The following CCR4 variants were observed in gnomAD, a reference collection of about 807,000 sequenced individuals.
CCR4 encodes C-C motif chemokine receptor 4.
In CCR4, 9 loss-of-function variants were observed where a neutral mutation model predicts 17.1. That is an observed-to-expected ratio of 0.53 (90% CI 0.32 to 0.92). The LOEUF (loss-of-function observed/expected upper bound fraction) is 0.92, where lower values mean the gene tolerates loss of function less well. CCR4 is among the 40% of genes least tolerant of loss of function. The probability of loss-of-function intolerance (pLI) is 0.04; values close to 1 mark genes in which losing one functional copy is unlikely to be tolerated. For missense variants in CCR4, 385 were observed against 433.9 expected, an observed-to-expected ratio of 0.89 and a Z score of 1.00; for synonymous variants, 217 against 174.3, an observed-to-expected ratio of 1.24 and a Z score of -1.93.
chr3:32,954,692 T>A lies in CCR4; in HGVS notation c.*187T>A, dbSNP rs1023883001. The A allele has an allele frequency of 3.5e-5, 21 of 593,758 alleles. No homozygotes were observed. Among genetic ancestry groups the A allele is most frequent in the African/African-American group, 3.4e-4 (18 of 53,088 alleles). 36.8% of individuals were successfully genotyped at this position (593,758 alleles called of 1,614,324 possible). On this transcript the variant is annotated 3_prime_UTR_variant, in exon 2 of 2. Transcript: ENST00000330953. ...CTAGACAAGTCCAGCCTGGCAAGGG[T>A]TCACCTGGGCTGAGGCATCCTTCCT...
chr3:32,954,093 T>C lies in CCR4; in HGVS notation c.671T>C (p.Met224Thr). ...PLGIMLFCYS[M>T]IIRTLQHCKN... is the part of the protein sequence containing the mutation. Reference sequence around the variant, plus strand: ...GGGATCATGCTGTTTTGCTACTCCATGATCATCAGGACCTTGCAGCATTGT... The same window carrying C: ...GGGATCATGCTGTTTTGCTACTCCACGATCATCAGGACCTTGCAGCATTGT... The change falls in exon 2 of 2, where the codon ATG (methionine) becomes ACG (threonine). Residue 224 changes from methionine (M) to threonine (T), a missense_variant. Met to Thr is a moderately conservative substitution (Grantham distance 81). Transcript: ENST00000330953. 1 of 1,614,170 alleles carries C rather than the reference T, an allele frequency of 6.2e-7. No individual in the cohort carries two copies. The highest frequency in any genetic ancestry group is 8.5e-7 in the Non-Finnish European group (1 of 1,180,016).
Position 32,954,658 on chromosome 3 carries a change from T to TC in CCR4, c.*154dup, listed in dbSNP as rs1695680706. 2.5e-6 allele frequency: 2 copies of TC among 805,024 alleles called. No homozygotes were observed. Among genetic ancestry groups the TC allele is most frequent in the Admixed American group, 3.6e-5 (1 of 27,608 alleles). The allele number at this position is 805,024 out of a possible 1,614,324, so 49.9% of individuals were successfully genotyped here. ...GCTTCTCATCCTGCAGGCAGCTTTTTCTCTCCCACTAGACAAGTCCAGCCT... is the reference window on the plus strand; with the variant it reads ...GCTTCTCATCCTGCAGGCAGCTTTTTCCTCTCCCACTAGACAAGTCCAGCCT... On this transcript the variant is annotated 3_prime_UTR_variant, in exon 2 of 2. Transcript: ENST00000330953.
chr3:32,953,611 C>T lies in CCR4; in HGVS notation c.189C>T (p.Val63=), dbSNP rs757544002. The stretch of plus-strand genomic sequence containing the variant: ...TTGGAAATTCTGTGGTGGTTCTGGT[C>T]CTGTTCAAATACAAGCGGCTCAGGT... ...GLLGNSVVVL[V]LFKYKRLRSM... Residue 63 remains valine, a synonymous_variant, in exon 2 of 2, where the codon GTC becomes GTT. Transcript: ENST00000330953. 36 of 1,613,966 alleles carry T rather than the reference C, an allele frequency of 2.2e-5. No homozygotes were observed. The South Asian group carries it at 3.7e-4, about 17-fold the overall frequency.
At position 32,954,197 on chromosome 3, in the gene CCR4, A is replaced by G. The variant is rs1167422134; in HGVS notation, c.775A>G (p.Asn259Asp). 1.2e-6 allele frequency: 2 copies of G among 1,613,974 alleles called. No individual in the cohort carries two copies. The highest frequency in any genetic ancestry group is 2.2e-5 in the East Asian group (1 of 44,884). Residue 259 changes from asparagine to aspartate, a missense_variant, in exon 2 of 2, where the codon AAC becomes GAC. Asn to Asp is a conservative substitution (Grantham distance 23, BLOSUM62 1). Coordinates refer to ENST00000330953, the MANE Select transcript of CCR4 (RefSeq NM_005508.5). ...VLFLGFWTPY[N>D]IVLFLETLVE... is the part of the protein sequence containing the mutation. Reference sequence around the variant, plus strand: ...CTTCCTTGGGTTCTGGACACCTTACAACATAGTGCTCTTCCTAGAGACCCT... The same window carrying G: ...CTTCCTTGGGTTCTGGACACCTTACGACATAGTGCTCTTCCTAGAGACCCT...
Position 32,953,878 on chromosome 3 carries a change from T to G in CCR4, c.456T>G (p.Thr152=). 2.5e-6 allele frequency: 4 copies of G among 1,614,096 alleles called. 1 individual carries two copies. The highest frequency in any genetic ancestry group is 2.2e-5 in the South Asian group (2 of 91,072). ...TTTCCTTGAGGGCAAGGACCTTGAC[T>G]TATGGGGTCATCACCAGTTTGGCTA... The part of the protein sequence containing the change: ...AVFSLRARTL[T]YGVITSLATW... The change falls in exon 2 of 2, where the codon ACT becomes ACG. Residue 152 remains threonine, a synonymous_variant. Coordinates refer to ENST00000330953, the MANE Select transcript of CCR4 (RefSeq NM_005508.5).
At position 32,953,436 on chromosome 3, in the gene CCR4, A is replaced by G. The variant is rs766699500; in HGVS notation, c.14A>G (p.Asp5Gly). 1 of 1,609,162 alleles carries G rather than the reference A, an allele frequency of 6.2e-7. No homozygotes were observed. The highest frequency in any genetic ancestry group is 8.5e-7 in the Non-Finnish European group (1 of 1,177,858). Reference sequence around the variant, plus strand: ...TAGAGTTAAAAAATGAACCCCACGGATATAGCAGACACCACCCTCGATGAA... The same window carrying G: ...TAGAGTTAAAAAATGAACCCCACGGGTATAGCAGACACCACCCTCGATGAA... MNPT[D>G]IADTTLDESI... The change falls in exon 2 of 2, where the codon GAT becomes GGT. Residue 5 changes from aspartate to glycine, a missense_variant. By Grantham distance (94) the Asp-to-Gly change is moderately conservative. Transcript: ENST00000330953.
Position 32,954,091 on chromosome 3 carries a change from C to G in CCR4, c.669C>G (p.Ser223=), listed in dbSNP as rs749729657. 6.2e-7 allele frequency: 1 copy of G among 1,614,168 alleles called. No homozygotes were observed. Among genetic ancestry groups the G allele is most frequent in the South Asian group, 1.1e-5 (1 of 91,070 alleles). The change falls in exon 2 of 2, where the codon TCC becomes TCG. Residue 223 remains serine (S), a synonymous_variant. Coordinates refer to ENST00000330953, the MANE Select transcript of CCR4 (RefSeq NM_005508.5). ...IPLGIMLFCY[S]MIIRTLQHCK... ...TAGGGATCATGCTGTTTTGCTACTC[C>G]ATGATCATCAGGACCTTGCAGCATT...
intron 1 of CCR4, among the ~76,000 whole-genome samples, chr3:32,952,083 C>T (rs1338338701): frequency 1.3e-5 from 2 of 152,140 alleles, no homozygotes; most frequent in Non-Finnish European, 2.9e-5. Context: ...AACTCCTCAG[C>T]CTTGTTTATG....
Position 32,953,466 on chromosome 3 carries a change from T to C in CCR4, c.44T>C (p.Ile15Thr), listed in dbSNP as rs1243093064. The change falls in exon 2 of 2, where the codon ATA becomes ACA. Residue 15 changes from isoleucine (I) to threonine (T), a missense_variant. Physicochemically the swap from Ile to Thr is moderately conservative, Grantham distance 89. Coordinates refer to ENST00000330953, the MANE Select transcript of CCR4 (RefSeq NM_005508.5). ...DIADTTLDES[I>T]YSNYYLYESI... Reference sequence around the variant, plus strand: ...GCAGACACCACCCTCGATGAAAGCATATACAGCAATTACTATCTGTATGAA... The same window carrying C: ...GCAGACACCACCCTCGATGAAAGCACATACAGCAATTACTATCTGTATGAA... The C allele has an allele frequency of 1.9e-6, 3 of 1,613,874 alleles. No homozygotes were observed. Among genetic ancestry groups the C allele is most frequent in the Non-Finnish European group, 2.5e-6 (3 of 1,179,824 alleles).
rs779331626 is a variant in CCR4 at position 32,954,193 on chromosome 3, T to G, written c.771T>G (p.Pro257=). Residue 257 remains proline, a synonymous_variant, in exon 2 of 2, where the codon CCT becomes CCG. Transcript: ENST00000330953. ...TCCTCTTCCTTGGGTTCTGGACACC[T>G]TACAACATAGTGCTCTTCCTAGAGA... ...VVVLFLGFWT[P]YNIVLFLETL... The G allele has an allele frequency of 2.5e-6, 4 of 1,614,098 alleles. No individual in the cohort carries two copies. The highest frequency in any genetic ancestry group is 1.6e-4 in the Middle Eastern group (1 of 6,062).
chr3:32,953,845 C>G lies in CCR4; in HGVS notation c.423C>G (p.His141Gln), dbSNP rs371078690. Residue 141 changes from histidine (H) to glutamine (Q), a missense_variant, in exon 2 of 2, where the codon CAC becomes CAG. His to Gln is a conservative substitution (Grantham distance 24). Coordinates refer to ENST00000330953, the MANE Select transcript of CCR4 (RefSeq NM_005508.5). Reference protein sequence around the residue: ...MSIDRYLAIVHAVFSLRARTL... With the variant: ...MSIDRYLAIVQAVFSLRARTL... ...TTGATAGATACCTGGCAATTGTGCA[C>G]GCGGTGTTTTCCTTGAGGGCAAGGA... 6.2e-7 allele frequency: 1 copy of G among 1,614,006 alleles called. No individual in the cohort carries two copies. The highest frequency in any genetic ancestry group is 1.7e-5 in the Admixed American group (1 of 59,990).
At position 32,953,636 on chromosome 3, in the gene CCR4, T is replaced by A; in HGVS notation, c.214T>A (p.Ser72Thr). 1 of 1,614,004 alleles carries A rather than the reference T, an allele frequency of 6.2e-7. No individual in the cohort carries two copies. The highest frequency in any genetic ancestry group is 8.5e-7 in the Non-Finnish European group (1 of 1,180,004). ...CCTGTTCAAATACAAGCGGCTCAGGTCCATGACTGATGTGTACCTGCTCAA... is the reference window on the plus strand; with the variant it reads ...CCTGTTCAAATACAAGCGGCTCAGGACCATGACTGATGTGTACCTGCTCAA... Reference protein sequence around the residue: ...LVLFKYKRLRSMTDVYLLNLA... With the variant: ...LVLFKYKRLRTMTDVYLLNLA... Residue 72 changes from serine to threonine, a missense_variant, in exon 2 of 2, where the codon TCC (serine) becomes ACC (threonine). Physicochemically the swap from Ser to Thr is moderately conservative, Grantham distance 58 (BLOSUM62 1). Coordinates refer to ENST00000330953, the MANE Select transcript of CCR4 (RefSeq NM_005508.5).
Position 32,955,605 on chromosome 3 carries a change from T to G in CCR4, c.*1100T>G, listed in dbSNP as rs989785401. 1.4e-5 allele frequency: 1 copy of G among 70,218 alleles called. No homozygotes were observed. Among genetic ancestry groups the G allele is most frequent in the Non-Finnish European group, 2.9e-5 (1 of 34,476 alleles). 4.3% of individuals were successfully genotyped at this position (70,218 alleles called of 1,614,324 possible). A position where few individuals can be genotyped will look rare whatever the true frequency, so the allele number is the denominator to read the frequency against. Reference sequence around the variant, plus strand: ...ACATTTATTTGAGGTCATTTACTTGTTTTTTTTTTTTTTTTTTTTTTTGAG... The same window carrying G: ...ACATTTATTTGAGGTCATTTACTTGGTTTTTTTTTTTTTTTTTTTTTTGAG... On this transcript the variant is annotated 3_prime_UTR_variant, in exon 2 of 2. Coordinates refer to ENST00000330953, the MANE Select transcript of CCR4 (RefSeq NM_005508.5).
At position 32,953,548 on chromosome 3, in the gene CCR4, G is replaced by A. The variant is rs1697715909; in HGVS notation, c.126G>A (p.Leu42=). 3 of 1,613,962 alleles carry A rather than the reference G, an allele frequency of 1.9e-6. No homozygotes were observed. Among genetic ancestry groups the A allele is most frequent in the Admixed American group, 3.3e-5 (2 of 59,984 alleles). Residue 42 remains leucine, a synonymous_variant, in exon 2 of 2, where the codon CTG becomes CTA. Transcript: ENST00000330953. The part of the protein sequence containing the change: ...EGIKAFGELF[L]PPLYSLVFVF... The stretch of plus-strand genomic sequence containing the variant: ...TCAAGGCATTTGGGGAGCTCTTCCT[G>A]CCCCCACTGTATTCCTTGGTTTTTG...
intron 1 of CCR4, among the ~76,000 whole-genome samples, chr3:32,953,026 A>C (rs1204273529): frequency 6.6e-6 from 1 of 152,248 alleles, no homozygotes; most frequent in Non-Finnish European, 1.5e-5. Flanking sequence ...AAGTGATTTC[A>C]GTAACCCCAG....
At chr3:32,952,415 C>T (rs553122422) in intron 1 of CCR4, among the ~76,000 whole-genome samples, 4 of 152,238 alleles carry the variant, frequency 2.6e-5, no homozygotes, top group African/African-American at 9.6e-5. Flanking sequence ...CCACCACACC[C>T]AGCTAACTTT....
intron 1 of CCR4, among the ~76,000 whole-genome samples, chr3:32,952,059 C>G (rs547086957): frequency 1.0e-4 from 14 of 135,982 alleles, no homozygotes; most frequent in South Asian, 9.3e-4. Flanking sequence ...TTTTTGTTCT[C>G]CTGATAATTT....
intron 1 of CCR4, among the ~76,000 whole-genome samples, chr3:32,951,893 C>T (rs1697678738): frequency 6.6e-6 from 1 of 152,184 alleles, no homozygotes; most frequent in African/African-American, 2.4e-5. Flanking sequence ...CTGCACACAT[C>T]TGGCCTGAGT....
Position 32,953,623 on chromosome 3 carries a change from C to A in CCR4, c.201C>A (p.Tyr67Ter), listed in dbSNP as rs1480573669. 4 of 1,613,928 alleles carry A rather than the reference C, an allele frequency of 2.5e-6. No individual in the cohort carries two copies. Among genetic ancestry groups the A allele is most frequent in the Middle Eastern group, 1.6e-4 (1 of 6,084 alleles). Residue 67 changes from tyrosine (Y) to a stop codon, truncating the protein, a stop_gained, in exon 2 of 2, where the codon TAC becomes TAA. Transcript: ENST00000330953. LOFTEE classifies it high-confidence loss of function. ...NSVVVLVLFK[Y>*]KRLRSMTDVY... ...TGGTGGTTCTGGTCCTGTTCAAATA[C>A]AAGCGGCTCAGGTCCATGACTGATG...
Sources: gnomAD v4.1 joint callset for allele counts (sites outside exome capture counted in the v4.1 genomes callset) on GRCh38, gnomAD v4.1.1 for gene constraint, MANE v1.5 for transcripts, NCBI Gene and HGNC (gene_info 2026-07-23, HGNC 2026-07-21) for gene names.